Variants in PTPRT observed in about 807,000 individuals in gnomAD.
PTPRT encodes the protein protein tyrosine phosphatase receptor type T, also known as receptor-type tyrosine-protein phosphatase T.
PTPRT carries 56 observed loss-of-function variants against 176.8 expected under a neutral mutation model. That is an observed-to-expected ratio of 0.32 (90% CI 0.26 to 0.40). The LOEUF (loss-of-function observed/expected upper bound fraction) is 0.40, where lower values mean the gene tolerates loss of function less well. Ranked by LOEUF, PTPRT falls within the 10% of genes least tolerant of loss-of-function variation. The probability of loss-of-function intolerance (pLI) is 1.00; values close to 1 mark genes in which losing one functional copy is unlikely to be tolerated. For missense variants in PTPRT, 1,540 were observed against 1,908.2 expected, an observed-to-expected ratio of 0.81 and a Z score of 3.60; for synonymous variants, 783 against 739.0, an observed-to-expected ratio of 1.06 and a Z score of -0.96.
intron 1 of PTPRT, among the ~76,000 whole-genome samples, chr20:43,142,385 G>C (rs536615146): frequency 1.3e-5 from 2 of 152,336 alleles, no homozygotes; most frequent in East Asian, 3.9e-4. Flanking sequence ...AGAACTGCAT[G>C]TTCTCTGTAC....
intron 1 of PTPRT, among the ~76,000 whole-genome samples, chr20:43,170,803 A>G (rs1568825131): frequency 1.3e-5 from 2 of 152,176 alleles, no homozygotes; most frequent in Non-Finnish European, 2.9e-5. Flanking sequence ...TCTGACTCCA[A>G]TGCCTCTTCT....
At chr20:42,904,247 C>T (rs556246311) in intron 1 of PTPRT, among the ~76,000 whole-genome samples, 1 of 152,274 alleles carries the variant, frequency 6.6e-6, no homozygotes, top group East Asian at 1.9e-4. Context: ...CTCTGCCAAC[C>T]TCACTCCACC....
At chr20:42,687,010 T>C (rs934454999) in intron 6 of PTPRT, among the ~76,000 whole-genome samples, 4 of 152,208 alleles carry the variant, frequency 2.6e-5, no homozygotes, top group Admixed American at 2.6e-4. Context: ...TAGTAACATC[T>C]TCCTCATGGT....
chr20:42,630,377 T>C (rs74638259), intron 7 of PTPRT, among the ~76,000 whole-genome samples: 2,753 of 152,268 alleles, frequency 0.018, 95 homozygotes, highest in African/African-American at 0.063. Context: ...CAAGCCACTA[T>C]GTCTATGGTA....
intron 1 of PTPRT, among the ~76,000 whole-genome samples, chr20:43,058,391 A>G (rs1384276966): frequency 6.6e-6 from 1 of 151,826 alleles, no homozygotes; most frequent in Non-Finnish European, 1.5e-5. Flanking sequence ...AGAGAGAAAG[A>G]GAGCCAGAGA....
chr20:42,368,700 T>C (rs147633891), intron 9 of PTPRT, among the ~76,000 whole-genome samples: 2 of 152,318 alleles, frequency 1.3e-5, no homozygotes, highest in East Asian at 1.9e-4. Context: ...AATCATTGCA[T>C]TGATTTGGAT....
At chr20:43,016,796 C>T (rs1985396237) in intron 1 of PTPRT, among the ~76,000 whole-genome samples, 1 of 152,018 alleles carries the variant, frequency 6.6e-6, no homozygotes, top group African/African-American at 2.4e-5. Flanking sequence ...CTCGGCCTCC[C>T]AAAGTGCTGG....
intron 1 of PTPRT, among the ~76,000 whole-genome samples, chr20:43,163,685 G>A (rs2014776136): frequency 6.6e-6 from 1 of 152,028 alleles, no homozygotes; most frequent in South Asian, 2.1e-4. Flanking sequence ...GTGGAAGGCT[G>A]TGGCTCATTC....
At chr20:42,085,313 C>T (rs1490668416) in intron 28 of PTPRT, among the ~76,000 whole-genome samples, 1 of 152,138 alleles carries the variant, frequency 6.6e-6, no homozygotes, top group Non-Finnish European at 1.5e-5. Context: ...CCCCTCCCAC[C>T]CACTACTCTG....
At chr20:42,805,265 T>A (rs2077589008) in intron 2 of PTPRT, among the ~76,000 whole-genome samples, 1 of 152,218 alleles carries the variant, frequency 6.6e-6, no homozygotes, top group African/African-American at 2.4e-5. Context: ...CATAGGTTAG[T>A]GCTTTCCAAG....
intron 12 of PTPRT, among the ~76,000 whole-genome samples, chr20:42,288,185 A>G (rs1193293695): frequency 6.6e-6 from 1 of 151,982 alleles, no homozygotes; most frequent in African/African-American, 2.4e-5. Context: ...ACCTATGACC[A>G]GCACCCAGAT....
At chr20:42,106,692 G>A (rs1254551455) in intron 24 of PTPRT, 94 bp downstream of exon 24, 7 of 1,491,040 alleles carry the variant, frequency 4.7e-6, no homozygotes, top group Middle Eastern at 3.6e-4. Flanking sequence ...CTTTCCATAG[G>A]ATGCCCCTAC....
At chr20:42,247,193 AG>A (rs1267862471) in intron 14 of PTPRT, among the ~76,000 whole-genome samples, 1 of 152,200 alleles carries the variant, frequency 6.6e-6, no homozygotes, top group Non-Finnish European at 1.5e-5. Context: ...GCTTGAGGCA[AG>A]ACATGATCCT....
rs187784975 is a variant in PTPRT at position 42,999,279 on chromosome 20, G to A, written c.89-113347C>T. ...AGAGACAAAAAGACTGAAAGCACAC[G>A]TCAAAAAGCAAACAGTCATTATTTC... On this transcript the variant is annotated intron_variant, in intron 1 of 30. Coordinates refer to ENST00000373187, the MANE Select transcript of PTPRT (RefSeq NM_007050.6). Among the ~76,000 whole-genome samples, 934 of 152,244 alleles carry A rather than the reference G, an allele frequency of 6.1e-3. 3 individuals are homozygous for A. Among genetic ancestry groups the A allele is most frequent in the Non-Finnish European group, 9.3e-3 (634 of 68,020 alleles).
chr20:42,051,428 T>C, the PTPRT span, among the ~76,000 whole-genome samples: 1 of 152,174 alleles, frequency 6.6e-6, no homozygotes, highest in Admixed American at 6.5e-5. Context: ...GGGAAAAGAA[T>C]TGTGAGAGTT....
chr20:42,118,959 T>G (rs892501681), intron 20 of PTPRT, among the ~76,000 whole-genome samples: 4 of 148,058 alleles, frequency 2.7e-5, no homozygotes, highest in Admixed American at 6.8e-5. Context: ...GATGCCTGAT[T>G]TTGTGCTTGA....
chr20:42,661,139 G>A (rs1483561177), intron 7 of PTPRT, among the ~76,000 whole-genome samples: 3 of 152,108 alleles, frequency 2.0e-5, no homozygotes, highest in East Asian at 1.9e-4. Flanking sequence ...GTGAGCCACC[G>A]CACCCAGCCG....
intron 9 of PTPRT, among the ~76,000 whole-genome samples, chr20:42,443,154 A>T (rs796303144): frequency 1.2e-4 from 19 of 152,358 alleles, no homozygotes; most frequent in African/African-American, 4.6e-4. Context: ...CAATGACTGC[A>T]ATGTTTTCAT....
intron 30 of PTPRT, among the ~76,000 whole-genome samples, chr20:42,081,442 TCACCCGGGGCTCTGCCCACA>T (rs1431654710): frequency 6.6e-6 from 1 of 152,182 alleles, no homozygotes; most frequent in East Asian, 1.9e-4. Flanking sequence ...CCAGGTCTTA[TCACCCGGGGCTCTGCCCACA>T]CACTCTCTTT....
Sources: allele counts gnomAD v4.1 joint callset (sites outside exome capture counted in the v4.1 genomes callset), GRCh38; gene constraint gnomAD v4.1.1; transcripts MANE v1.5; gene names NCBI Gene and HGNC (gene_info 2026-07-23, HGNC 2026-07-21).